SHANK2: variants seen among roughly 807,000 people sequenced by gnomAD.
SHANK2 encodes the protein SH3 and multiple ankyrin repeat domains 2, also known as SH3 and multiple ankyrin repeat domains protein 2.
In SHANK2, 43 loss-of-function variants were observed where a neutral mutation model predicts 133.7. That is an observed-to-expected ratio of 0.32 (90% CI 0.25 to 0.41). The LOEUF is 0.41. SHANK2 is among the 10% of genes least tolerant of loss of function. The pLI, the probability that SHANK2 is intolerant of heterozygous loss-of-function variation, is 1.00. For missense variants in SHANK2, 1,994 were observed against 2,235.8 expected (o/e 0.89, Z 2.18); for synonymous variants, 1,017 against 952.8 (o/e 1.07, Z -1.24).
intron 3 of SHANK2, among the ~76,000 whole-genome samples, chr11:71,124,206 G>A (rs868966272): frequency 8.2e-5 from 6 of 72,734 alleles, no homozygotes; most frequent in African/African-American, 1.6e-4. Context: ...GATGATGGTG[G>A]TGATGATGAT....
At chr11:71,185,084 CTCTCCCCA>C (rs1953643227) in intron 2 of SHANK2, among the ~76,000 whole-genome samples, 2 of 152,204 alleles carry the variant, frequency 1.3e-5, no homozygotes, top group South Asian at 4.1e-4. Flanking sequence ...AAATGTGGTG[CTCTCCCCA>C]CCAGGGGTAC....
intron 21 of SHANK2, among the ~76,000 whole-genome samples, chr11:70,499,227 A>AT (rs1163725156): frequency 6.6e-6 from 1 of 152,236 alleles, no homozygotes; most frequent in Non-Finnish European, 1.5e-5. Context: ...CCCCAGCTGG[A>AT]TCCCCCAGTG....
intron 2 of SHANK2, among the ~76,000 whole-genome samples, chr11:71,166,026 C>A (rs1953140413): frequency 6.6e-6 from 1 of 152,208 alleles, no homozygotes; most frequent in African/African-American, 2.4e-5. Flanking sequence ...ACACGCCCCC[C>A]AGCCTGGACC....
chr11:70,500,877 C>A lies in SHANK2; in HGVS notation c.2288-287G>T. 1 of 663,100 alleles carries A rather than the reference C, an allele frequency of 1.5e-6. No homozygotes were observed. The highest frequency in any genetic ancestry group is 2.8e-6 in the Non-Finnish European group (1 of 359,940). 41.1% of individuals were successfully genotyped at this position (663,100 alleles called of 1,614,324 possible). Reference sequence around the variant, plus strand: ...TTCTTCCTCAGCACCCCTTGTCCCACCAGCACCCTGCCAAAGTAGGGAGGA... The same window carrying A: ...TTCTTCCTCAGCACCCCTTGTCCCAACAGCACCCTGCCAAAGTAGGGAGGA... On this transcript the variant is annotated intron_variant, in intron 20 of 25. Transcript: ENST00000601538. The surrounding 1 kb of genome is among the most constrained non-coding windows in gnomAD (Gnocchi z 4.5).
intron 9 of SHANK2, among the ~76,000 whole-genome samples, chr11:71,074,164 T>G (rs918002772): frequency 6.6e-6 from 1 of 152,168 alleles, no homozygotes; most frequent in East Asian, 1.9e-4. Flanking sequence ...GAGGATGACC[T>G]GAGATGCCCC....
chr11:70,941,891 G>A (rs1407637008), intron 10 of SHANK2, among the ~76,000 whole-genome samples: 1 of 151,496 alleles, frequency 6.6e-6, no homozygotes, highest in African/African-American at 2.4e-5. Flanking sequence ...CTGGAGACTG[G>A]GTCATTTCAA....
At chr11:71,083,148 C>T (rs1406232953) in intron 8 of SHANK2, among the ~76,000 whole-genome samples, 2 of 152,150 alleles carry the variant, frequency 1.3e-5, no homozygotes, top group African/African-American at 4.8e-5. Flanking sequence ...GCCATGTTGG[C>T]TGGGCTGGTT....
chr11:70,688,545 T>C (rs1945207062), intron 15 of SHANK2, among the ~76,000 whole-genome samples: 1 of 152,216 alleles, frequency 6.6e-6, no homozygotes, highest in East Asian at 1.9e-4. Context: ...AAGTGTCAGC[T>C]TTATGCTTGG....
At chr11:70,680,094 G>C (rs1440460024) in intron 15 of SHANK2, among the ~76,000 whole-genome samples, 7 of 152,170 alleles carry the variant, frequency 4.6e-5, no homozygotes, top group Non-Finnish European at 1.0e-4. Context: ...CTGGGGAAGG[G>C]AGCAGAACTC....
intron 3 of SHANK2, among the ~76,000 whole-genome samples, chr11:71,135,008 C>T (rs1555104485): frequency 6.6e-6 from 1 of 152,060 alleles, no homozygotes; most frequent in African/African-American, 2.4e-5. Flanking sequence ...GACCCTATAC[C>T]TGGACGCCCA....
At chr11:71,186,119 C>T (rs1164444822) in intron 2 of SHANK2, among the ~76,000 whole-genome samples, 1 of 152,232 alleles carries the variant, frequency 6.6e-6, no homozygotes, top group Non-Finnish European at 1.5e-5. Flanking sequence ...ATTTCACTGG[C>T]TGCTGGGTCT....
At chr11:71,222,330 C>T (rs112048241) in intron 2 of SHANK2, among the ~76,000 whole-genome samples, 12 of 152,328 alleles carry the variant, frequency 7.9e-5, no homozygotes, top group African/African-American at 2.4e-4. Flanking sequence ...TCCCATTAAT[C>T]GCAGCCGCCA....
intron 12 of SHANK2, among the ~76,000 whole-genome samples, chr11:70,817,382 G>A (rs886428436): frequency 6.6e-6 from 1 of 152,186 alleles, no homozygotes; most frequent in Admixed American, 6.5e-5. Context: ...TGAAGGGGTG[G>A]GGAAAGGGAA....
intron 1 of SHANK2, among the ~76,000 whole-genome samples, chr11:71,232,765 T>G: frequency 6.6e-6 from 1 of 152,232 alleles, no homozygotes; most frequent in East Asian, 1.9e-4. Context: ...TTATGTTATC[T>G]GTACGATTTC....
In SHANK2 at chr11:70,892,433, C is replaced by G. The variant is rs1368806858; in HGVS notation, c.1174+4068G>C. 5.3e-5 allele frequency among the ~76,000 whole-genome samples: 8 copies of G among 152,294 alleles called. No homozygotes were observed. In the South Asian group the frequency reaches 1.0e-3, roughly 20 times the overall value. On this transcript the variant is annotated intron_variant, in intron 11 of 25. Transcript: ENST00000601538. ...TCTGGCCACCTTCCCAGCTCTGGTT[C>G]TAGGTCCAGCCTCTATGAAGCCTCC...
intron 17 of SHANK2, among the ~76,000 whole-genome samples, chr11:70,514,524 A>G (rs1554969712): frequency 6.6e-6 from 1 of 152,258 alleles, no homozygotes. Flanking sequence ...AATAATACTG[A>G]TTTTGGGGTT....
At chr11:70,648,506 C>A (rs143755069) in intron 17 of SHANK2, among the ~76,000 whole-genome samples, 1 of 152,124 alleles carries the variant, frequency 6.6e-6, no homozygotes, top group Non-Finnish European at 1.5e-5. Context: ...ACATGATTTA[C>A]TCGAAACACA....
At chr11:70,506,450 G>A (rs530485516) in intron 17 of SHANK2, among the ~76,000 whole-genome samples, 11 of 152,218 alleles carry the variant, frequency 7.2e-5, no homozygotes, top group Non-Finnish European at 1.3e-4. Context: ...AGGAAATGAG[G>A]CTCCCATGGG....
Position 70,534,094 on chromosome 11 carries a change from G to A in SHANK2, c.2062-31163C>T, listed in dbSNP as rs144057630. 2.3e-4 allele frequency among the ~76,000 whole-genome samples: 35 copies of A among 152,344 alleles called. No individual in the cohort carries two copies. The East Asian group carries it at 4.1e-3, about 18-fold the overall frequency. ...ATCTGCTAGGCGCTGCCCTAGAGGG[G>A]CAGTGTATTAGTCTGTTTTCCTGCT... On this transcript the variant is annotated intron_variant, in intron 17 of 25. Transcript: ENST00000601538.
Sources: gnomAD v4.1 joint callset for allele counts (sites outside exome capture counted in the v4.1 genomes callset) on GRCh38, gnomAD v4.1.1 for gene constraint, Gnocchi (gnomAD v3.1) non-coding constraint, MANE v1.5 for transcripts, NCBI Gene and HGNC (gene_info 2026-07-23, HGNC 2026-07-21) for gene names.